Variants in SRPRA observed in about 807,000 individuals in gnomAD.
SRPRA encodes the protein signal recognition particle receptor subunit alpha.
SRPRA carries 30 observed loss-of-function variants against 61.1 expected under a neutral mutation model. That is an observed-to-expected ratio of 0.49 (90% CI 0.37 to 0.67). The LOEUF (loss-of-function observed/expected upper bound fraction) is 0.67, where lower values mean the gene tolerates loss of function less well. Among genes scored for constraint, SRPRA ranks in the 30% least tolerant of loss-of-function variants. SRPRA has a pLI of 0.00. For missense variants in SRPRA, 759 were observed against 828.4 expected, an observed-to-expected ratio of 0.92 and a Z score of 1.03; for synonymous variants, 324 against 299.7, an observed-to-expected ratio of 1.08 and a Z score of -0.84.
At chr11:126,253,560 G>A in the SRPRA span, among the ~76,000 whole-genome samples, 1 of 152,146 alleles carries the variant, frequency 6.6e-6, no homozygotes, top group Non-Finnish European at 1.5e-5. This position sits in a 1 kb window ranked among gnomAD's most constrained non-coding sequence, Gnocchi z 5.1. Context: ...GTGAAACTTT[G>A]TGGCTTGTAA....
chr11:126,266,548 T>C lies in SRPRA; in HGVS notation c.768A>G (p.Lys256=), dbSNP rs201070365. 6.2e-7 allele frequency: 1 copy of C among 1,614,176 alleles called. No individual in the cohort carries two copies. Among genetic ancestry groups the C allele is most frequent in the Admixed American group, 1.7e-5 (1 of 60,034 alleles). ...RVWELGGCAN[K]EVLDYSTPTT... ...TGGGAGTACTGTAATCCAACACTTC[T>C]TTGTTAGCACAGCCACCCAGTTCCC... The change falls in exon 6 of 14, where the codon AAA becomes AAG. Residue 256 remains lysine, a synonymous_variant. Coordinates refer to ENST00000332118, the MANE Select transcript of SRPRA (RefSeq NM_003139.4).
In SRPRA at chr11:126,266,492, G is replaced by A; in HGVS notation, c.824C>T (p.Ser275Phe). Reference protein sequence around the residue: ...TTNGTPEAALSEDINLIRGTG... With the variant: ...TTNGTPEAALFEDINLIRGTG... ...ACCTCTTACCAGGTTGATGTCCTCA[G>A]ACAAGGCAGCCTCAGGGGTTCCATT... The change falls in exon 6 of 14, where the codon TCT becomes TTT. Residue 275 changes from serine to phenylalanine, a missense_variant. Physicochemically the swap from Ser to Phe is radical, Grantham distance 155. Transcript: ENST00000332118. 1 of 1,614,030 alleles carries A rather than the reference G, an allele frequency of 6.2e-7. No individual in the cohort carries two copies. Among genetic ancestry groups the A allele is most frequent in the Non-Finnish European group, 8.5e-7 (1 of 1,179,926 alleles).
the SRPRA span, chr11:126,256,462 C>A: frequency 9.7e-7 from 1 of 1,027,438 alleles, no homozygotes; most frequent in South Asian, 1.6e-5. The surrounding 1 kb of genome is among the most constrained non-coding windows in gnomAD (Gnocchi z 6.6). Flanking sequence ...TTAAGTCTTG[C>A]TTAATTGGTC....
At chr11:126,255,390 T>C in the SRPRA span, among the ~76,000 whole-genome samples, 1 of 152,148 alleles carries the variant, frequency 6.6e-6, no homozygotes, top group African/African-American at 2.4e-5. This position sits in a 1 kb window ranked among gnomAD's most constrained non-coding sequence, Gnocchi z 4.6. Context: ...TTTTTTTCTT[T>C]TTACCCATTC....
chr11:126,266,442 G>C, intron 6 of SRPRA, 34 bp downstream of exon 6: 1 of 1,605,982 alleles, frequency 6.2e-7, no homozygotes, highest in Admixed American at 1.7e-5. Context: ...CCAATTTGTT[G>C]TTAAAGATCA....
chr11:126,255,347 C>T, the SRPRA span, among the ~76,000 whole-genome samples: 14 of 152,054 alleles, frequency 9.2e-5, no homozygotes, highest in African/African-American at 2.2e-4. This position sits in a 1 kb window ranked among gnomAD's most constrained non-coding sequence, Gnocchi z 4.6. Flanking sequence ...GGCAAAAGAC[C>T]GAGAAAATGT....
the SRPRA span, among the ~76,000 whole-genome samples, chr11:126,243,393 G>A: frequency 6.6e-6 from 1 of 151,360 alleles, no homozygotes. Context: ...GGGCCCTGGA[G>A]TTCAAGACTC....
chr11:126,267,410 C>T lies in SRPRA; in HGVS notation c.366-75G>A. On this transcript the variant is annotated intron_variant, in intron 3 of 13. Transcript: ENST00000332118. The surrounding 1 kb of genome is among the most constrained non-coding windows in gnomAD (Gnocchi z 4.2). ...AATAACGGTCCAGAGAAAGGACTCT[C>T]ACACCCAAGAGGACAATGAGAACTG... is the stretch of plus-strand genomic sequence containing the variant. 1.9e-6 allele frequency: 3 copies of T among 1,595,640 alleles called. No individual in the cohort carries two copies. Among genetic ancestry groups the T allele is most frequent in the South Asian group, 2.3e-5 (2 of 88,688 alleles).
chr11:126,256,795 G>C, the SRPRA span: 1 of 1,612,308 alleles, frequency 6.2e-7, no homozygotes, highest in Non-Finnish European at 8.5e-7. This position sits in a 1 kb window ranked among gnomAD's most constrained non-coding sequence, Gnocchi z 6.6. Flanking sequence ...TGACTATGCC[G>C]ATCTTCCAGA....
chr11:126,259,026 T>C (rs1212892982), downstream of SRPRA, among the ~76,000 whole-genome samples: 1 of 152,222 alleles, frequency 6.6e-6, no homozygotes, highest in Admixed American at 6.5e-5. Flanking sequence ...GTGTTCTGTA[T>C]CTTTAAACAA....
downstream of SRPRA, chr11:126,262,868 TAC>T (rs770106203): frequency 1.3e-5 from 2 of 152,664 alleles, no homozygotes; most frequent in Non-Finnish European, 2.9e-5. Context: ...GTCCTAGAAC[TAC>T]AGTTAAGTGT....
rs1349629051 is a variant in SRPRA, at chr11:126,264,515, A to G, written c.1550T>C (p.Val517Ala). ...CATGCGGCCTGCCGTGTCCACCAGC[A>G]CCACGTCAAAGCCTTGGTTACGTGC... ...AFARNQGFDV[V>A]LVDTAGRMQD... is the part of the protein sequence containing the mutation. Residue 517 changes from valine to alanine, a missense_variant, in exon 12 of 14, where the codon GTG becomes GCG. Coordinates refer to ENST00000332118, the MANE Select transcript of SRPRA (RefSeq NM_003139.4). This position sits in a 1 kb window ranked among gnomAD's most constrained non-coding sequence, Gnocchi z 5.0. 1 of 1,613,460 alleles carries G rather than the reference A, an allele frequency of 6.2e-7. No individual in the cohort carries two copies. The highest frequency in any genetic ancestry group is 1.1e-5 in the South Asian group (1 of 91,038).
the SRPRA span, among the ~76,000 whole-genome samples, chr11:126,246,600 G>A: frequency 6.6e-6 from 1 of 151,894 alleles, no homozygotes; most frequent in Non-Finnish European, 1.5e-5. Flanking sequence ...GGGGGAACAG[G>A]TTTTTTTTCT....
chr11:126,261,140 A>T (rs1249582281), downstream of SRPRA: 6 of 362,852 alleles, frequency 1.7e-5, no homozygotes, highest in Non-Finnish European at 2.5e-5. Context: ...CAGCAGACAC[A>T]TGTTGCCTGT....
In SRPRA at chr11:126,264,934, C is replaced by T. The variant is rs1269007309; in HGVS notation, c.1525+25G>A. On this transcript the variant is annotated intron_variant, in intron 11 of 13. Transcript: ENST00000332118. This position sits in a 1 kb window ranked among gnomAD's most constrained non-coding sequence, Gnocchi z 5.0. ...AGGAGAAAAAGGGACCCCAAATAAG[C>T]CCCCACACTTCCCATGCACTGTACC... is the stretch of plus-strand genomic sequence containing the variant. The T allele has an allele frequency of 6.2e-7, 1 of 1,600,738 alleles. No individual in the cohort carries two copies. Among genetic ancestry groups the T allele is most frequent in the Non-Finnish European group, 8.5e-7 (1 of 1,173,180 alleles).
rs1350602875 is a variant in SRPRA at position 126,266,199 on chromosome 11, G to A, written c.920C>T (p.Ser307Phe). 2.5e-6 allele frequency: 4 copies of A among 1,614,164 alleles called. No individual in the cohort carries two copies. The highest frequency in any genetic ancestry group is 1.7e-5 in the Admixed American group (1 of 60,026). The change falls in exon 7 of 14, where the codon TCT becomes TTT. Residue 307 changes from serine (S) to phenylalanine (F), a missense_variant. Transcript: ENST00000332118. ...GAAATTCCCCTACCTAGGTTTGGTA[G>A]AGTTTTGAGCAGCCCCTTCGTCATC... is the stretch of plus-strand genomic sequence containing the variant. Reference protein sequence around the residue: ...SSDDEGAAQNSTKPSATKGTL... With the variant: ...SSDDEGAAQNFTKPSATKGTL...
At chr11:126,236,500 C>G in the SRPRA span, among the ~76,000 whole-genome samples, 2 of 151,936 alleles carry the variant, frequency 1.3e-5, no homozygotes, top group East Asian at 1.9e-4. Context: ...TGTTGTTGTT[C>G]ATTAGAAGCT....
chr11:126,250,226 G>A, the SRPRA span, among the ~76,000 whole-genome samples: 2 of 151,906 alleles, frequency 1.3e-5, no homozygotes, highest in African/African-American at 4.8e-5. This position sits in a 1 kb window ranked among gnomAD's most constrained non-coding sequence, Gnocchi z 5.1. Flanking sequence ...CAAGTAGCTG[G>A]GACTACAGGC....
At chr11:126,266,302 T>TG (rs1379830398) in intron 6 of SRPRA, 24 bp from the exon 7 acceptor site, 3 of 1,612,572 alleles carry the variant, frequency 1.9e-6, no homozygotes, top group East Asian at 4.5e-5. Flanking sequence ...GGAAAGGATG[T>TG]GGGGTCAGGA....
Sources: gnomAD v4.1 joint callset for allele counts (sites outside exome capture counted in the v4.1 genomes callset) on GRCh38, gnomAD v4.1.1 for gene constraint, Gnocchi (gnomAD v3.1) non-coding constraint, MANE v1.5 for transcripts, NCBI Gene and HGNC (gene_info 2026-07-23, HGNC 2026-07-21) for gene names.